ANO3: variants seen among roughly 807,000 people sequenced by gnomAD.
ANO3 encodes the protein anoctamin-3.
ANO3 carries 99 observed loss-of-function variants against 144.8 expected under a neutral mutation model. The observed-to-expected ratio is 0.68, with a 90% CI of 0.58 to 0.81. The LOEUF (loss-of-function observed/expected upper bound fraction) is 0.81. Among genes scored for constraint, ANO3 ranks in the 30% least tolerant of loss-of-function variants. The probability of loss-of-function intolerance (pLI) is 0.00; values close to 1 mark genes in which losing one functional copy is unlikely to be tolerated. For synonymous variants in ANO3, 414 were observed against 392.6 expected (o/e 1.05, Z -0.64); for missense variants, 905 against 1,202.2 (o/e 0.75, Z 3.66).
chr11:26,546,494 G>A (rs746223929), intron 11 of ANO3, among the ~76,000 whole-genome samples: 15 of 151,872 alleles, frequency 9.9e-5, no homozygotes, highest in Non-Finnish European at 1.6e-4. Flanking sequence ...ATGCCCAAAC[G>A]AACTTTAAAG....
chr11:26,394,332 T>G (rs1179617954), intron 1 of ANO3, among the ~76,000 whole-genome samples: 1 of 152,078 alleles, frequency 6.6e-6, no homozygotes, highest in Non-Finnish European at 1.5e-5. Flanking sequence ...GGTTCTTTCA[T>G]TATTATAGTT....
intron 1 of ANO3, among the ~76,000 whole-genome samples, chr11:26,411,609 A>G (rs1000940827): frequency 3.9e-5 from 6 of 151,950 alleles, no homozygotes; most frequent in Non-Finnish European, 7.4e-5. Context: ...AGCCAGTATC[A>G]TCTCCAAGTG....
chr11:26,369,337 C>A (rs1856184419), intron 1 of ANO3, among the ~76,000 whole-genome samples: 1 of 152,062 alleles, frequency 6.6e-6, no homozygotes, highest in African/African-American at 2.4e-5. Context: ...TATATCATTT[C>A]TCTTTGATAT....
chr11:26,556,456 A>C (rs1850084299), intron 13 of ANO3, among the ~76,000 whole-genome samples: 1 of 151,692 alleles, frequency 6.6e-6, no homozygotes, highest in African/African-American at 2.4e-5. Context: ...TTTTCAAGAA[A>C]CTTCATGAAA....
intron 14 of ANO3, among the ~76,000 whole-genome samples, chr11:26,564,129 T>C (rs552298389): frequency 8.6e-5 from 13 of 151,848 alleles, no homozygotes; most frequent in Non-Finnish European, 1.6e-4. Context: ...TTTTTTTACA[T>C]AAAATAGCAA....
chr11:26,646,295 C>T (rs968338252), intron 23 of ANO3, among the ~76,000 whole-genome samples: 8 of 151,872 alleles, frequency 5.3e-5, no homozygotes, highest in Non-Finnish European at 1.0e-4. Flanking sequence ...TTACTTATTT[C>T]CCACTATAAG....
At chr11:26,284,183 C>T (rs1329340758) in intron 1 of ANO3, among the ~76,000 whole-genome samples, 3 of 152,130 alleles carry the variant, frequency 2.0e-5, no homozygotes, top group African/African-American at 7.2e-5. Flanking sequence ...ATTCAGTCTA[C>T]TGCATGCACC....
chr11:26,616,496 T>C (rs1852267013), intron 17 of ANO3, among the ~76,000 whole-genome samples: 2 of 151,680 alleles, frequency 1.3e-5, no homozygotes, highest in African/African-American at 4.8e-5. Flanking sequence ...AAAAACATCT[T>C]GAAAAGATTA....
At chr11:26,564,712 CACACACACACACACACACACATATAT>C (rs1850455472) in intron 14 of ANO3, among the ~76,000 whole-genome samples, 1 of 71,630 alleles carries the variant, frequency 1.4e-5, no homozygotes, top group Non-Finnish European at 2.6e-5. Flanking sequence ...CACACACACA[CACACACACACACACACACACATATAT>C]ATATATATAT....
intron 20 of ANO3, among the ~76,000 whole-genome samples, chr11:26,638,814 A>T (rs1214945564): frequency 4.6e-5 from 7 of 152,206 alleles, no homozygotes; most frequent in Non-Finnish European, 7.3e-5. Flanking sequence ...ACTATTTTCT[A>T]TTACCTGATT....
rs181742906 is a variant in ANO3, at chr11:26,404,378, A to C, written c.47-37540A>C. Among the ~76,000 whole-genome samples the C allele has an allele frequency of 1.9e-4, 29 of 151,978 alleles. No individual in the cohort carries two copies. The East Asian group carries it at 5.5e-3, about 29-fold the overall frequency. On this transcript the variant is annotated intron_variant, in intron 1 of 26. Coordinates refer to ENST00000256737, the MANE Select transcript of ANO3 (RefSeq NM_031418.4). Reference sequence around the variant, plus strand: ...GAGGCCAGTTTAATGTTCTATTCACAAAGTCTAATCACTTTGGAAAACTAC... The same window carrying C: ...GAGGCCAGTTTAATGTTCTATTCACCAAGTCTAATCACTTTGGAAAACTAC...
Position 26,463,378 on chromosome 11 carries a change from A to G in ANO3, c.432+230A>G, listed in dbSNP as rs567816332. 4.5e-4 allele frequency among the ~76,000 whole-genome samples: 68 copies of G among 151,992 alleles called. 1 individual carries two copies. The highest frequency in any genetic ancestry group is 1.5e-3 in the African/African-American group (64 of 41,522). On this transcript the variant is annotated intron_variant, in intron 4 of 26. Coordinates refer to ENST00000256737, the MANE Select transcript of ANO3 (RefSeq NM_031418.4). ...GAATGTTTAAAATACTTAATCTGAA[A>G]TGTAAAATTATTCATTAATAGTCCC... is the stretch of plus-strand genomic sequence containing the variant.
At chr11:26,438,592 C>CAAAA (rs1227963923) in intron 1 of ANO3, among the ~76,000 whole-genome samples, 2 of 70,302 alleles carry the variant, frequency 2.8e-5, no homozygotes, top group African/African-American at 6.1e-5. Context: ...ACTAAAAATA[C>CAAAA]AAAAAAAAAA....
intron 18 of ANO3, among the ~76,000 whole-genome samples, chr11:26,625,520 T>C (rs1852555503): frequency 1.3e-5 from 2 of 152,206 alleles, no homozygotes; most frequent in Admixed American, 1.3e-4. Context: ...ACTATTTTCA[T>C]ACCTACGGCA....
intron 1 of ANO3, among the ~76,000 whole-genome samples, chr11:26,231,551 A>G (rs1352911140): frequency 1.3e-5 from 2 of 152,194 alleles, no homozygotes; most frequent in African/African-American, 4.8e-5. Context: ...GCTCAAACTT[A>G]GATGTGTAAT....
chr11:26,339,713 G>A (rs949054998), intron 1 of ANO3, among the ~76,000 whole-genome samples: 1 of 152,138 alleles, frequency 6.6e-6, no homozygotes, highest in South Asian at 2.1e-4. Flanking sequence ...CCGTATATCT[G>A]AAATGAAAAC....
intron 1 of ANO3, among the ~76,000 whole-genome samples, chr11:26,337,796 G>A (rs1199872981): frequency 4.6e-5 from 7 of 152,048 alleles, no homozygotes. Flanking sequence ...TTATCTGGGT[G>A]TGGTGACGGG....
intron 1 of ANO3, among the ~76,000 whole-genome samples, chr11:26,412,540 C>G (rs545500254): frequency 7.3e-5 from 11 of 151,476 alleles, no homozygotes; most frequent in African/African-American, 2.2e-4. Context: ...TTTTGAGGAG[C>G]ATGGCTGGCA....
At chr11:26,247,677 G>C (rs1305261065) in intron 1 of ANO3, among the ~76,000 whole-genome samples, 4 of 148,264 alleles carry the variant, frequency 2.7e-5, no homozygotes. Flanking sequence ...GAACAGATGA[G>C]AGTATTATTG....
Sources: gnomAD v4.1 joint callset for allele counts (sites outside exome capture counted in the v4.1 genomes callset) on GRCh38, gnomAD v4.1.1 for gene constraint, MANE v1.5 for transcripts, NCBI Gene and HGNC (gene_info 2026-07-23, HGNC 2026-07-21) for gene names.